The following AKAP13 variants were observed in gnomAD, a reference collection of about 807,000 sequenced individuals.
The protein encoded by AKAP13 is A-kinase anchoring protein 13, also known as A-kinase anchor protein 13.
Under a neutral mutation model 264.5 loss-of-function variants are expected in AKAP13, and 80 were observed. That is an observed-to-expected ratio of 0.30 (90% confidence interval 0.25 to 0.36). AKAP13 has a LOEUF of 0.36. Ranked by LOEUF, AKAP13 falls within the 10% of genes least tolerant of loss-of-function variation. AKAP13 has a pLI of 1.00. For missense variants in AKAP13, 3,712 were observed against 3,435.2 expected (o/e 1.08, Z -2.01); for synonymous variants, 1,380 against 1,250.2 (o/e 1.10, Z -2.19).
Position 85,422,047 on chromosome 15 carries a change from T to C in AKAP13, c.-12+41249T>C, listed in dbSNP as rs550911179. 4.6e-5 allele frequency among the ~76,000 whole-genome samples: 7 copies of C among 152,362 alleles called. No homozygotes were observed. In the South Asian group the frequency reaches 1.4e-3, roughly 32 times the overall value. ...ACTGTAAATAGAGCATTGATGTGAA[T>C]AGTACAGATGATGGTGGGCTCTATC... On this transcript the variant is annotated intron_variant, in intron 1 of 36. Coordinates refer to ENST00000394518, the MANE Select transcript of AKAP13 (RefSeq NM_007200.5).
chr15:85,472,435 A>T (rs918891576), intron 1 of AKAP13, among the ~76,000 whole-genome samples: 2 of 152,148 alleles, frequency 1.3e-5, no homozygotes, highest in Non-Finnish European at 2.9e-5. Flanking sequence ...TTCTGGATTT[A>T]GAAATAAAAC....
chr15:85,735,463 A>T, intron 31 of AKAP13, 97 bp from the exon 32 acceptor site: 1 of 1,307,288 alleles, frequency 7.6e-7, no homozygotes, highest in Non-Finnish European at 1.1e-6. Context: ...AGTAGGTTTC[A>T]GACATACTAC....
chr15:85,411,179 A>G (rs1305606219), intron 1 of AKAP13, among the ~76,000 whole-genome samples: 1 of 152,242 alleles, frequency 6.6e-6, no homozygotes, highest in African/African-American at 2.4e-5. Context: ...CCTTAGAATC[A>G]ATCACGACAG....
chr15:85,381,303 C>T (rs1177137165), intron 1 of AKAP13, among the ~76,000 whole-genome samples: 1 of 151,970 alleles, frequency 6.6e-6, no homozygotes, highest in East Asian at 1.9e-4. Context: ...TCGACGCGGA[C>T]GGTAAACACG....
chr15:85,580,949 C>G lies in AKAP13; in HGVS notation c.2881C>G (p.Gln961Glu), dbSNP rs374015182. 6.2e-7 allele frequency: 1 copy of G among 1,614,144 alleles called. No homozygotes were observed. Among genetic ancestry groups the G allele is most frequent in the African/African-American group, 1.3e-5 (1 of 75,048 alleles). ...AACACCACCTCCTGGACAAGATACT[C>G]AACAATTTCATGAAAAATCAATCTC... The part of the protein sequence containing the change: ...QRTPPPGQDT[Q>E]QFHEKSISAD... The change falls in exon 7 of 37, where the codon CAA becomes GAA. Residue 961 changes from glutamine (Q) to glutamate (E), a missense_variant. Physicochemically the swap from Gln to Glu is conservative, Grantham distance 29. This residue lies in a region of AKAP13 where 2,759 missense variants were observed against 2,411.7 expected (regional missense o/e 1.14). Coordinates refer to ENST00000394518, the MANE Select transcript of AKAP13 (RefSeq NM_007200.5).
chr15:85,580,170 A>G lies in AKAP13; in HGVS notation c.2102A>G (p.Gln701Arg), dbSNP rs2079123369. The change falls in exon 7 of 37, where the codon CAA becomes CGA. Residue 701 changes from glutamine (Q) to arginine (R), a missense_variant. Physicochemically the swap from Gln to Arg is conservative, Grantham distance 43. This residue lies in a region of AKAP13 where 2,759 missense variants were observed against 2,411.7 expected (regional missense o/e 1.14). Coordinates refer to ENST00000394518, the MANE Select transcript of AKAP13 (RefSeq NM_007200.5). ...ESTTARQPSS[Q>R]DPPDASHCED... ...ACCACAGCAAGGCAACCCAGCTCAC[A>G]AGATCCACCCGATGCCTCCCACTGT... 1 of 1,614,074 alleles carries G rather than the reference A, an allele frequency of 6.2e-7. No homozygotes were observed. The highest frequency in any genetic ancestry group is 1.7e-5 in the Admixed American group (1 of 60,010).
chr15:85,673,573 G>C (rs985571228), intron 14 of AKAP13, among the ~76,000 whole-genome samples: 1 of 151,874 alleles, frequency 6.6e-6, no homozygotes, highest in Non-Finnish European at 1.5e-5. Flanking sequence ...ACTGTGCTGG[G>C]AAACATAGAT....
intron 16 of AKAP13, chr15:85,690,158 A>C (rs1487425372): frequency 1.3e-5 from 2 of 152,284 alleles, no homozygotes; most frequent in Non-Finnish European, 2.9e-5. Context: ...AGAAAGAGCC[A>C]GTGGAGTTGG....
chr15:85,472,743 G>A (rs1176764078), intron 1 of AKAP13, among the ~76,000 whole-genome samples: 1 of 152,172 alleles, frequency 6.6e-6, no homozygotes, highest in African/African-American at 2.4e-5. Flanking sequence ...CTTGAACTAA[G>A]ATAATAAAAA....
At chr15:85,721,562 C>T (rs2087285093) in intron 23 of AKAP13, among the ~76,000 whole-genome samples, 1 of 152,132 alleles carries the variant, frequency 6.6e-6, no homozygotes, top group African/African-American at 2.4e-5. Flanking sequence ...CAAACAGATA[C>T]CTAGGTATGA....
At chr15:85,472,744 A>G (rs902647775) in intron 1 of AKAP13, among the ~76,000 whole-genome samples, 11 of 152,344 alleles carry the variant, frequency 7.2e-5, no homozygotes, top group African/African-American at 2.6e-4. Context: ...TTGAACTAAG[A>G]TAATAAAAAA....
chr15:85,732,803 A>G (rs559759773), intron 30 of AKAP13, among the ~76,000 whole-genome samples: 4 of 150,686 alleles, frequency 2.7e-5, no homozygotes, highest in East Asian at 1.9e-4. Context: ...TACTATTACT[A>G]TTAACTAATA....
intron 1 of AKAP13, among the ~76,000 whole-genome samples, chr15:85,456,387 A>G (rs2074278679): frequency 6.6e-6 from 1 of 152,126 alleles, no homozygotes; most frequent in African/African-American, 2.4e-5. Flanking sequence ...TCCAAATAAT[A>G]AGGACTGCAC....
chr15:85,645,759 G>GT (rs1172400508), intron 9 of AKAP13, 59 bp from the exon 10 acceptor site: 7 of 1,470,688 alleles, frequency 4.8e-6, no homozygotes, highest in South Asian at 1.3e-5. Context: ...GGTTCTTTTT[G>GT]TTTTTTGGTT....
chr15:85,466,840 A>G (rs2074759030), intron 1 of AKAP13, among the ~76,000 whole-genome samples: 1 of 152,166 alleles, frequency 6.6e-6, no homozygotes, highest in African/African-American at 2.4e-5. Flanking sequence ...AGATCCTTTG[A>G]TCTTTTTCCT....
rs182081976 is a variant in AKAP13 at position 85,574,924 on chromosome 15, G to C, written c.663-207G>C. On this transcript the variant is annotated intron_variant, in intron 5 of 36. Transcript: ENST00000394518. ...CATTGTTAGGGCTAGGAGTCCTGCA[G>C]TTTTCATTTAACCCATTTGTGATCT... is the stretch of plus-strand genomic sequence containing the variant. Among the ~76,000 whole-genome samples the C allele has an allele frequency of 5.6e-4, 86 of 152,272 alleles. 1 individual carries two copies. Among genetic ancestry groups the C allele is most frequent in the Non-Finnish European group, 7.4e-4 (50 of 68,016 alleles).
chr15:85,519,256 A>C (rs1278777527), intron 2 of AKAP13, among the ~76,000 whole-genome samples: 1 of 152,200 alleles, frequency 6.6e-6, no homozygotes, highest in Non-Finnish European at 1.5e-5. Context: ...ATTTATTGAC[A>C]GTGAAATTTG....
Position 85,741,277 on chromosome 15 carries a change from G to C in AKAP13, c.7840G>C (p.Glu2614Gln). ...EWEARERELR[E>Q]REALLAQREE... is the part of the protein sequence containing the mutation. ...GGAAGCTCGTGAGAGGGAGCTGCGG[G>C]AGCGGGAGGCCCTCCTGGCCCAGCG... The change falls in exon 35 of 37, where the codon GAG becomes CAG. Residue 2614 changes from glutamate (E) to glutamine (Q), a missense_variant. Transcript: ENST00000394518. 6.2e-7 allele frequency: 1 copy of C among 1,610,538 alleles called. No homozygotes were observed. Among genetic ancestry groups the C allele is most frequent in the African/African-American group, 1.3e-5 (1 of 75,016 alleles).
intron 8 of AKAP13, 108 bp downstream of exon 8, chr15:85,585,931 A>AT: frequency 7.1e-7 from 1 of 1,413,068 alleles, no homozygotes; most frequent in Non-Finnish European, 9.6e-7. Flanking sequence ...GCAAAATAGT[A>AT]TTTTCCCCCT....
Sources: gnomAD v4.1 joint callset for allele counts (sites outside exome capture counted in the v4.1 genomes callset) on GRCh38, gnomAD v4.1.1 for gene constraint, gnomAD v4.1.1 regional missense constraint, MANE v1.5 for transcripts, NCBI Gene and HGNC (gene_info 2026-07-23, HGNC 2026-07-21) for gene names.